CENPU: variants seen among roughly 807,000 people sequenced by gnomAD.
The protein encoded by CENPU is KSHV latent nuclear antigen interacting protein 1.
Under a neutral mutation model 56.7 loss-of-function variants are expected in CENPU, and 46 were observed. That is an observed-to-expected ratio of 0.81 (90% confidence interval 0.64 to 1.04). The LOEUF (loss-of-function observed/expected upper bound fraction) is 1.04. Among genes scored for constraint, CENPU ranks in the 50% least tolerant of loss-of-function variants. The pLI is 0.00. For synonymous variants in CENPU, 166 were observed against 163.0 expected (o/e 1.02, Z -0.14); for missense variants, 510 against 490.1 (o/e 1.04, Z -0.38).
At chr4:184,730,472 TG>T in intron 2 of CENPU, among the ~76,000 whole-genome samples, 1 of 144,144 alleles carries the variant, frequency 6.9e-6, no homozygotes, top group East Asian at 1.9e-4. Flanking sequence ...CACAAGCCAC[TG>T]GAAAAAAAAA....
At chr4:184,708,076 T>A (rs1422353253) in intron 8 of CENPU, among the ~76,000 whole-genome samples, 1 of 151,786 alleles carries the variant, frequency 6.6e-6, no homozygotes, top group Non-Finnish European at 1.5e-5. Flanking sequence ...TACAAAAAAT[T>A]AGCTGGGCGT....
intron 2 of CENPU, among the ~76,000 whole-genome samples, chr4:184,729,552 T>C (rs1408569969): frequency 6.6e-6 from 1 of 152,214 alleles, no homozygotes; most frequent in African/African-American, 2.4e-5. Context: ...TCTTTTTATT[T>C]TATTTCAACC....
chr4:184,701,999 TA>T, intron 10 of CENPU, 89 bp downstream of exon 10: 1 of 810,352 alleles, frequency 1.2e-6, no homozygotes, highest in Non-Finnish European at 2.1e-6. Context: ...ACTCACACTC[TA>T]AAGGCTGTAA....
intron 8 of CENPU, 73 bp downstream of exon 8, chr4:184,709,999 C>A: frequency 2.9e-6 from 2 of 683,332 alleles, no homozygotes; most frequent in Non-Finnish European, 2.5e-6. Context: ...ATAACAAAAA[C>A]TGTAGGATGA....
chr4:184,729,107 A>G (rs920288952), intron 2 of CENPU, 72 bp from the exon 3 acceptor site: 11 of 1,165,214 alleles, frequency 9.4e-6, no homozygotes, highest in Non-Finnish European at 1.4e-5. Flanking sequence ...TACAGCAAGA[A>G]TATTCTTGTA....
chr4:184,723,282 G>A (rs968778574), intron 4 of CENPU, among the ~76,000 whole-genome samples: 3 of 152,124 alleles, frequency 2.0e-5, no homozygotes, highest in African/African-American at 2.4e-5. Context: ...GGGTTAAAAT[G>A]TGTATTCATA....
At chr4:184,705,782 A>G (rs1223880528) in intron 8 of CENPU, among the ~76,000 whole-genome samples, 1 of 152,256 alleles carries the variant, frequency 6.6e-6, no homozygotes, top group Non-Finnish European at 1.5e-5. Flanking sequence ...CAGCCTTAAC[A>G]AAGAAGGAAA....
intron 4 of CENPU, among the ~76,000 whole-genome samples, chr4:184,718,869 T>C (rs1761182071): frequency 6.6e-6 from 1 of 151,948 alleles, no homozygotes; most frequent in South Asian, 2.1e-4. Flanking sequence ...TTTGCCTTTG[T>C]TGAGTGAGGT....
rs1761752852 is a variant in CENPU, at chr4:184,734,033, C to T, written c.30G>A (p.Arg10=). The stretch of plus-strand genomic sequence containing the variant: ...GTACTTACCCCTCAGACCTGTGAGG[C>T]CGCGGCCGCCGCCGCCCCCGCGGGG... The part of the protein sequence containing the change: MAPRGRRRP[R]PHRSEGARRS... Residue 10 remains arginine, a synonymous_variant, in exon 1 of 13, where the codon CGG becomes CGA. Coordinates refer to ENST00000281453, the MANE Select transcript of CENPU (RefSeq NM_024629.4). 11 of 1,583,596 alleles carry T rather than the reference C, an allele frequency of 6.9e-6. No individual in the cohort carries two copies. The highest frequency in any genetic ancestry group is 9.4e-6 in the Non-Finnish European group (11 of 1,167,858).
At chr4:184,706,957 C>G (rs978518926) in intron 8 of CENPU, among the ~76,000 whole-genome samples, 4 of 146,240 alleles carry the variant, frequency 2.7e-5, no homozygotes, top group African/African-American at 1.1e-4. Context: ...GGGGACAATG[C>G]CATTTTCCCT....
chr4:184,720,895 G>A (rs1190057913), intron 4 of CENPU, among the ~76,000 whole-genome samples: 1 of 152,060 alleles, frequency 6.6e-6, no homozygotes, highest in East Asian at 1.9e-4. Flanking sequence ...AGTAATTCAA[G>A]CAGAAAGAAA....
intron 4 of CENPU, among the ~76,000 whole-genome samples, chr4:184,721,695 G>A (rs1418172823): frequency 6.6e-6 from 1 of 152,132 alleles, no homozygotes; most frequent in Non-Finnish European, 1.5e-5. Context: ...AATTCAGCAA[G>A]AGGATATAAC....
chr4:184,694,435 C>T lies in CENPU; in HGVS notation c.*853G>A, dbSNP rs1254648272. 6.7e-7 allele frequency: 1 copy of T among 1,490,664 alleles called. No homozygotes were observed. Among genetic ancestry groups the T allele is most frequent in the Non-Finnish European group, 8.9e-7 (1 of 1,118,254 alleles). 92.3% of individuals were successfully genotyped at this position (1,490,664 alleles called of 1,614,324 possible). A position where few individuals can be genotyped will look rare whatever the true frequency, so the allele number is the denominator to read the frequency against. Reference sequence around the variant, plus strand: ...TTAGTATCTGTCACTTAATACCTTACTTCAACATAGAGTATAAGGTTAAAT... The same window carrying T: ...TTAGTATCTGTCACTTAATACCTTATTTCAACATAGAGTATAAGGTTAAAT... On this transcript the variant is annotated 3_prime_UTR_variant, in exon 13 of 13. Transcript: ENST00000281453.
intron 8 of CENPU, among the ~76,000 whole-genome samples, chr4:184,703,480 TA>T (rs200139874): frequency 6.6e-6 from 1 of 150,894 alleles, no homozygotes; most frequent in South Asian, 2.1e-4. Flanking sequence ...TGGCTATTAT[TA>T]AAAAAAAACA....
chr4:184,707,292 T>A (rs978975060), intron 8 of CENPU, among the ~76,000 whole-genome samples: 2 of 150,752 alleles, frequency 1.3e-5, no homozygotes, highest in African/African-American at 5.0e-5. Context: ...AGGGCAGGAA[T>A]AGAGAGCTGC....
rs779862981 is a variant in CENPU at position 184,716,536 on chromosome 4, T to C, written c.479A>G (p.Gln160Arg). The C allele has an allele frequency of 6.2e-7, 1 of 1,614,212 alleles. No homozygotes were observed. Among genetic ancestry groups the C allele is most frequent in the Non-Finnish European group, 8.5e-7 (1 of 1,180,016 alleles). ...TGTGGTTCGAATAACCTCATGACGT[T>C]GTGTACTTATTTTCTCTGCTGATTT... ...KVKSAEKISTQRHEVIRTTAS... is the reference protein window; with the variant it reads ...KVKSAEKISTRRHEVIRTTAS... Residue 160 changes from glutamine to arginine, a missense_variant, in exon 6 of 13, where the codon CAA (glutamine) becomes CGA (arginine). Coordinates refer to ENST00000281453, the MANE Select transcript of CENPU (RefSeq NM_024629.4).
intron 3 of CENPU, 71 bp downstream of exon 3, chr4:184,728,846 TA>T (rs1761543214): frequency 9.2e-7 from 1 of 1,089,428 alleles, no homozygotes; most frequent in Admixed American, 2.2e-5. Context: ...AAGATACTTC[TA>T]TTTTTTATTA....
Position 184,694,220 on chromosome 4 carries a change from C to G in CENPU, c.*1068G>C, listed in dbSNP as rs148013456. On this transcript the variant is annotated 3_prime_UTR_variant, in exon 13 of 13. Coordinates refer to ENST00000281453, the MANE Select transcript of CENPU (RefSeq NM_024629.4). ...CTGATTTGTCTTCAGCTGGACTGTC[C>G]ACTTGTTAAAAAATTAAATCCACCC... The G allele has an allele frequency of 2.3e-3, 2,556 of 1,089,110 alleles. 2 individuals are homozygous for G. The highest frequency in any genetic ancestry group is 2.7e-3 in the Non-Finnish European group (2,430 of 894,642). 67.5% of individuals were successfully genotyped at this position (1,089,110 alleles called of 1,614,324 possible).
intron 8 of CENPU, among the ~76,000 whole-genome samples, chr4:184,704,231 C>CA (rs1760643831): frequency 6.6e-6 from 1 of 152,086 alleles, no homozygotes; most frequent in Non-Finnish European, 1.5e-5. Flanking sequence ...AGGCATATGC[C>CA]ACCACGCCTA....
Sources: gnomAD v4.1 joint callset for allele counts (sites outside exome capture counted in the v4.1 genomes callset) on GRCh38, gnomAD v4.1.1 for gene constraint, MANE v1.5 for transcripts, NCBI Gene and HGNC (gene_info 2026-07-23, HGNC 2026-07-21) for gene names.